GPC6: variants seen among roughly 807,000 people sequenced by gnomAD.
GPC6 encodes glypican-6.
In GPC6, 14 loss-of-function variants were observed where a neutral mutation model predicts 55.2. The ratio of observed to expected loss-of-function variants is 0.25; its 90% CI spans 0.17 to 0.40. GPC6 has a LOEUF of 0.40. GPC6 is among the 10% of genes least tolerant of loss of function. The probability of loss-of-function intolerance (pLI) is 1.00; values close to 1 mark genes in which losing one functional copy is unlikely to be tolerated. For synonymous variants in GPC6, 278 were observed against 259.6 expected (o/e 1.07, Z -0.68); for missense variants, 641 against 708.5 (o/e 0.90, Z 1.08).
intron 1 of GPC6, among the ~76,000 whole-genome samples, chr13:93,244,922 C>T (rs1876549338): frequency 2.0e-5 from 3 of 147,486 alleles, no homozygotes; most frequent in African/African-American, 4.9e-5. Context: ...TCTAATCTGC[C>T]ATCTTCAAAA....
intron 3 of GPC6, among the ~76,000 whole-genome samples, chr13:93,895,218 A>ATGTGTGTGTGTGTGTGTGTG (rs1299548089): frequency 1.7e-5 from 1 of 60,444 alleles, no homozygotes; most frequent in African/African-American, 9.3e-5. Flanking sequence ...GTGTGTGTGT[A>ATGTGTGTGTGTGTGTGTGTG]TGTATGTGTG....
At chr13:94,114,518 T>C (rs553344700) in intron 4 of GPC6, among the ~76,000 whole-genome samples, 1 of 152,180 alleles carries the variant, frequency 6.6e-6, no homozygotes, top group African/African-American at 2.4e-5. Context: ...TTAGGCATGA[T>C]CTATTAGGCT....
chr13:93,881,217 T>G (rs1416302256), intron 3 of GPC6, among the ~76,000 whole-genome samples: 1 of 152,094 alleles, frequency 6.6e-6, no homozygotes, highest in Non-Finnish European at 1.5e-5. Flanking sequence ...CCCTTTGGGT[T>G]TTCATTTCCC....
At chr13:93,340,023 TTTC>T (rs1880189670) in intron 1 of GPC6, among the ~76,000 whole-genome samples, 4 of 124,780 alleles carry the variant, frequency 3.2e-5, no homozygotes, top group Non-Finnish European at 6.7e-5. Context: ...AAAAGTTTTC[TTTC>T]TTTTTTTTTT....
intron 3 of GPC6, among the ~76,000 whole-genome samples, chr13:93,882,275 T>C (rs1875038250): frequency 6.6e-6 from 1 of 151,826 alleles, no homozygotes; most frequent in Non-Finnish European, 1.5e-5. Context: ...GCCTCCAGAG[T>C]TGCTGGGACT....
intron 3 of GPC6, among the ~76,000 whole-genome samples, chr13:93,963,370 G>A (rs950111197): frequency 2.0e-5 from 3 of 152,032 alleles, no homozygotes; most frequent in Admixed American, 6.5e-5. Flanking sequence ...AATGATATAG[G>A]CTCTGATGGG....
chr13:93,311,685 A>G (rs1879071647), intron 1 of GPC6, among the ~76,000 whole-genome samples: 1 of 152,190 alleles, frequency 6.6e-6, no homozygotes, highest in South Asian at 2.1e-4. Context: ...TAAACAAATA[A>G]TGATATAAAT....
intron 7 of GPC6, among the ~76,000 whole-genome samples, chr13:94,387,163 G>T (rs1880446267): frequency 6.6e-6 from 1 of 152,140 alleles, no homozygotes; most frequent in South Asian, 2.1e-4. Context: ...GGGTGTGTAA[G>T]CAGTGGCTCC....
chr13:93,370,860 A>G (rs1302239380), intron 1 of GPC6, among the ~76,000 whole-genome samples: 2 of 152,176 alleles, frequency 1.3e-5, no homozygotes, highest in Non-Finnish European at 2.9e-5. Context: ...TTTAGAAAAC[A>G]TTGAGAATGG....
At chr13:94,173,149 A>G (rs1174925534) in intron 4 of GPC6, among the ~76,000 whole-genome samples, 1 of 152,150 alleles carries the variant, frequency 6.6e-6, no homozygotes, top group Non-Finnish European at 1.5e-5. Context: ...CTGCCCCCAC[A>G]TTTTTAAGGA....
At chr13:93,490,528 T>TTA (rs1879941908) in intron 1 of GPC6, among the ~76,000 whole-genome samples, 1 of 138,168 alleles carries the variant, frequency 7.2e-6, no homozygotes, top group Non-Finnish European at 1.6e-5. Flanking sequence ...TTTTTTTTTT[T>TTA]ATTATTATAC....
Position 93,374,393 on chromosome 13 carries a change from G to A in GPC6, c.160+146777G>A, listed in dbSNP as rs895018413. 6.6e-5 allele frequency among the ~76,000 whole-genome samples: 10 copies of A among 152,254 alleles called. No individual in the cohort carries two copies. The East Asian group carries it at 1.5e-3, about 24-fold the overall frequency. ...TTTGCCGCAGCTGGGAAGTTGATGA[G>A]TGGCAAGGTGATGCACAGTTCTACC... On this transcript the variant is annotated intron_variant, in intron 1 of 8. Coordinates refer to ENST00000377047, the MANE Select transcript of GPC6 (RefSeq NM_005708.5).
At chr13:94,015,524 G>A (rs1419085482) in intron 3 of GPC6, among the ~76,000 whole-genome samples, 2 of 151,994 alleles carry the variant, frequency 1.3e-5, no homozygotes, top group Non-Finnish European at 2.9e-5. Flanking sequence ...TCATTTTTAT[G>A]CATTTTTATG....
chr13:93,220,306 C>G, the GPC6 span, among the ~76,000 whole-genome samples: 2 of 152,164 alleles, frequency 1.3e-5, no homozygotes, highest in Non-Finnish European at 2.9e-5. Flanking sequence ...AAAAACTATG[C>G]AAAGCTTCAT....
At chr13:94,040,412 C>T (rs73544043) in intron 4 of GPC6, among the ~76,000 whole-genome samples, 2,501 of 151,922 alleles carry the variant, frequency 0.016, 71 homozygotes, top group African/African-American at 0.056. Context: ...ATGAAACATT[C>T]GAGATACCAG....
At chr13:93,467,408 T>A (rs1878946686) in intron 1 of GPC6, among the ~76,000 whole-genome samples, 1 of 152,070 alleles carries the variant, frequency 6.6e-6, no homozygotes, top group Non-Finnish European at 1.5e-5. Context: ...TCCATGGGAT[T>A]AATTTAGTAC....
At chr13:93,668,609 G>T (rs1396935783) in intron 2 of GPC6, among the ~76,000 whole-genome samples, 1 of 152,130 alleles carries the variant, frequency 6.6e-6, no homozygotes, top group Non-Finnish European at 1.5e-5. Flanking sequence ...CCATGCGAAA[G>T]GAGACCGCCA....
At chr13:93,910,876 A>G (rs917761591) in intron 3 of GPC6, among the ~76,000 whole-genome samples, 19 of 152,192 alleles carry the variant, frequency 1.2e-4, no homozygotes, top group Non-Finnish European at 5.9e-5. Context: ...GGAAGCCTCA[A>G]AGGAACCCCC....
Position 94,373,332 on chromosome 13 carries a change from T to A in GPC6, c.1153-9082T>A, listed in dbSNP as rs574418447. Among the ~76,000 whole-genome samples, 19 of 151,728 alleles carry A rather than the reference T, an allele frequency of 1.3e-4. No individual in the cohort carries two copies. The East Asian group carries it at 3.7e-3, about 30-fold the overall frequency. On this transcript the variant is annotated intron_variant, in intron 6 of 8. Coordinates refer to ENST00000377047, the MANE Select transcript of GPC6 (RefSeq NM_005708.5). ...AAACTTTGAAAAAAATTTAGAAGAA[T>A]GTATAACTAGAATAACCAATACAGA...
Sources: allele counts gnomAD v4.1 joint callset (sites outside exome capture counted in the v4.1 genomes callset), GRCh38; gene constraint gnomAD v4.1.1; transcripts MANE v1.5; gene names NCBI Gene and HGNC (gene_info 2026-07-23, HGNC 2026-07-21).